Variants in WDR72 observed in about 807,000 individuals in gnomAD.
The protein encoded by WDR72 is WD repeat domain 72.
WDR72 carries 120 observed loss-of-function variants against 124.2 expected under a neutral mutation model. The ratio of observed to expected loss-of-function variants is 0.97; its 90% confidence interval spans 0.83 to 1.12. The LOEUF is 1.12. Ranked by LOEUF, WDR72 falls within the 50% of genes most tolerant of loss-of-function variation. The pLI, the probability that WDR72 is intolerant of heterozygous loss-of-function variation, is 0.00. For synonymous variants in WDR72, 452 were observed against 441.7 expected (o/e 1.02, Z -0.29); for missense variants, 1,387 against 1,278.8 (o/e 1.08, Z -1.29).
At chr15:53,557,941 T>A (rs1187418654) in intron 18 of WDR72, among the ~76,000 whole-genome samples, 3 of 152,002 alleles carry the variant, frequency 2.0e-5, no homozygotes, top group Non-Finnish European at 4.4e-5. Flanking sequence ...ATTTGGCATG[T>A]CCGTAGAAGT....
At chr15:53,760,103 CAA>C (rs1248521635), upstream of WDR72, among the ~76,000 whole-genome samples, 3 of 149,170 alleles carry the variant, frequency 2.0e-5, no homozygotes, top group African/African-American at 2.5e-5. Context: ...TACAGACAAA[CAA>C]TGCGTAATAA....
At chr15:53,600,855 G>C (rs1477493233) in intron 17 of WDR72, among the ~76,000 whole-genome samples, 1 of 152,128 alleles carries the variant, frequency 6.6e-6, no homozygotes, top group East Asian at 1.9e-4. Context: ...TGCAGTACTG[G>C]AAACATGCAA....
At chr15:53,556,597 TA>T (rs1893941575) in intron 18 of WDR72, among the ~76,000 whole-genome samples, 1 of 152,108 alleles carries the variant, frequency 6.6e-6, no homozygotes, top group Admixed American at 6.6e-5. Context: ...CCCAGCCTAG[TA>T]AACTGCCCAA....
intron 18 of WDR72, among the ~76,000 whole-genome samples, chr15:53,571,844 G>A (rs755020124): frequency 1.4e-4 from 21 of 151,128 alleles, no homozygotes; most frequent in Non-Finnish European, 2.4e-4. Context: ...CACCAACAGT[G>A]TGCAAGTGTT....
At position 53,517,750 on chromosome 15, in the gene WDR72, C is replaced by G; in HGVS notation, c.3258G>C (p.Glu1086Asp). ...CALEESESPG[E>D]PRHHSWIAKV... ...TTGCTATCCATGAATGATGCCTTGG[C>G]TCACCTAGGAAAAAAGCAGATATCT... is the stretch of plus-strand genomic sequence containing the variant. The change falls in exon 20 of 20, where the codon GAG (glutamate) becomes GAC (aspartate). Residue 1086 changes from glutamate (E) to aspartate (D), a missense_variant. By Grantham distance (45) the Glu-to-Asp change is conservative. Transcript: ENST00000360509. 1.2e-6 allele frequency: 2 copies of G among 1,612,508 alleles called. No homozygotes were observed. The highest frequency in any genetic ancestry group is 1.7e-6 in the Non-Finnish European group (2 of 1,179,102).
intron 18 of WDR72, among the ~76,000 whole-genome samples, chr15:53,545,239 A>G (rs1223553927): frequency 6.6e-6 from 1 of 151,806 alleles, no homozygotes. Context: ...AGCTGGAGGC[A>G]TCACACTACC....
At chr15:53,669,521 G>A (rs182436110) in intron 13 of WDR72, among the ~76,000 whole-genome samples, 2 of 152,174 alleles carry the variant, frequency 1.3e-5, no homozygotes. Flanking sequence ...AATTCTTTAT[G>A]ATAGTTAACA....
intron 14 of WDR72, among the ~76,000 whole-genome samples, chr15:53,658,746 T>A (rs184511894): frequency 2.4e-4 from 37 of 152,248 alleles, no homozygotes; most frequent in African/African-American, 8.9e-4. Context: ...TGAGCCAGGG[T>A]TTGGAAATAA....
chr15:53,635,276 C>G (rs1283288888), intron 14 of WDR72, among the ~76,000 whole-genome samples: 1 of 152,156 alleles, frequency 6.6e-6, no homozygotes, highest in Non-Finnish European at 1.5e-5. Context: ...AGGTAGAGAA[C>G]TTAACAGCTT....
chr15:53,538,675 AT>A (rs1307434918), intron 18 of WDR72, among the ~76,000 whole-genome samples: 2 of 152,238 alleles, frequency 1.3e-5, no homozygotes. Flanking sequence ...AAATAGACTT[AT>A]TTTGGTTTAT....
intron 14 of WDR72, among the ~76,000 whole-genome samples, chr15:53,640,412 A>G (rs1051500307): frequency 1.3e-5 from 2 of 152,140 alleles, no homozygotes; most frequent in Non-Finnish European, 2.9e-5. Flanking sequence ...TCTCCTAAAA[A>G]TCTTACTGAT....
At chr15:53,740,264 A>T (rs1320606024) in intron 1 of WDR72, among the ~76,000 whole-genome samples, 1 of 151,958 alleles carries the variant, frequency 6.6e-6, no homozygotes, top group African/African-American at 2.4e-5. Flanking sequence ...CCTATCCCAT[A>T]GCAGAAAATA....
intron 2 of WDR72, among the ~76,000 whole-genome samples, chr15:53,731,505 A>AT (rs941949601): frequency 1.3e-5 from 2 of 151,814 alleles, no homozygotes; most frequent in African/African-American, 4.8e-5. Context: ...CACCCACTAC[A>AT]TGCCACCTTG....
intron 10 of WDR72, among the ~76,000 whole-genome samples, chr15:53,705,524 A>G (rs61559864): frequency 0.03 from 4,626 of 152,116 alleles, 180 homozygotes; most frequent in African/African-American, 0.088. Flanking sequence ...GTGCAGTGGC[A>G]TGATCTCGGC....
intron 18 of WDR72, among the ~76,000 whole-genome samples, chr15:53,570,262 A>T (rs1595766103): frequency 2.0e-5 from 3 of 146,574 alleles, no homozygotes; most frequent in East Asian, 2.0e-4. Context: ...CTCATATACC[A>T]TTTTTTTTTT....
Position 53,705,005 on chromosome 15 carries a change from C to T in WDR72, c.1331G>A (p.Gly444Asp). 6.2e-7 allele frequency: 1 copy of T among 1,613,906 alleles called. No homozygotes were observed. The highest frequency in any genetic ancestry group is 8.5e-7 in the Non-Finnish European group (1 of 1,179,988). ...LNAAKARLLEGGSLVKDSPPH... is the reference protein window; with the variant it reads ...LNAAKARLLEDGSLVKDSPPH... ...TCAAGGACCTTTTACTAAAGAACCA[C>T]CTTCCAGAAGTCTTGCTTTGGCAGC... The change falls in exon 11 of 20, where the codon GGT becomes GAT. Residue 444 changes from glycine to aspartate, a missense_variant. Gly to Asp is a moderately conservative substitution (Grantham distance 94). Transcript: ENST00000360509.
At chr15:53,616,329 A>G (rs2013766979) in intron 14 of WDR72, 86 bp from the exon 15 acceptor site, 1 of 1,173,770 alleles carries the variant, frequency 8.5e-7, no homozygotes. Context: ...ATTTTTAAAA[A>G]GTATTACATT....
intron 16 of WDR72, 89 bp downstream of exon 16, chr15:53,613,577 T>C (rs998962474): frequency 3.2e-5 from 27 of 850,920 alleles, no homozygotes; most frequent in Middle Eastern, 4.5e-4. Context: ...TTATTTATTT[T>C]GACACTGCTA....
chr15:53,540,308 C>T (rs7161989), intron 18 of WDR72, among the ~76,000 whole-genome samples: 37,250 of 152,018 alleles, frequency 0.25, 4,735 homozygotes, highest in African/African-American at 0.31. Flanking sequence ...ACACCTTGTA[C>T]TTAAGTGCAC....
Sources: allele counts gnomAD v4.1 joint callset (sites outside exome capture counted in the v4.1 genomes callset), GRCh38; gene constraint gnomAD v4.1.1; transcripts MANE v1.5; gene names NCBI Gene and HGNC (gene_info 2026-07-23, HGNC 2026-07-21).